Variants in ARMC3 observed in about 807,000 individuals in gnomAD.
ARMC3 encodes the protein armadillo repeat-containing protein 3.
A neutral mutation model predicts 90.3 loss-of-function variants in ARMC3; 74 were observed. The observed-to-expected ratio is 0.82, with a 90% CI of 0.68 to 0.99. The LOEUF (loss-of-function observed/expected upper bound fraction) is 0.99, where lower values mean the gene tolerates loss of function less well. Ranked by LOEUF, ARMC3 falls within the 50% of genes least tolerant of loss-of-function variation. The probability of loss-of-function intolerance (pLI) is 0.00; values close to 1 mark genes in which losing one functional copy is unlikely to be tolerated. For synonymous variants in ARMC3, 334 were observed against 361.8 expected, an observed-to-expected ratio of 0.92 and a Z score of 0.87; for missense variants, 958 against 1,042.8, an observed-to-expected ratio of 0.92 and a Z score of 1.12.
intron 3 of ARMC3, among the ~76,000 whole-genome samples, chr10:22,954,303 A>G (rs926566799): frequency 3.9e-5 from 6 of 152,114 alleles, no homozygotes; most frequent in Admixed American, 3.3e-4. Flanking sequence ...TTTTCTCACA[A>G]TTTGTAGAAT....
rs73600583 is a variant in ARMC3 at position 22,959,809 on chromosome 10, G to C, written c.537+235G>C. 1.7e-3 allele frequency: 1,006 copies of C among 589,722 alleles called. 3 individuals carry two copies. The highest frequency in any genetic ancestry group is 0.011 in the African/African-American group (607 of 54,134). The allele number at this position is 589,722 out of a possible 1,614,324, so 36.5% of individuals were successfully genotyped here. On this transcript the variant is annotated intron_variant, in intron 6 of 18. Transcript: ENST00000298032. ...GAAAAAGTATTTTGGAAATGTATTT[G>C]TTTTTAAAGAATAGAATGGCATTCA...
chr10:23,017,735 C>T (rs989926194), intron 16 of ARMC3, among the ~76,000 whole-genome samples: 1 of 152,250 alleles, frequency 6.6e-6, no homozygotes, highest in Admixed American at 6.5e-5. Context: ...TACTGCATTC[C>T]AGCCTGGGCA....
intron 8 of ARMC3, among the ~76,000 whole-genome samples, chr10:22,973,657 T>C (rs1165712331): frequency 6.6e-6 from 1 of 151,646 alleles, no homozygotes; most frequent in Admixed American, 6.6e-5. Context: ...CTTATTCTTT[T>C]TTTAGCTATA....
intron 8 of ARMC3, among the ~76,000 whole-genome samples, chr10:22,979,506 T>C (rs563934366): frequency 1.3e-5 from 2 of 152,344 alleles, no homozygotes; most frequent in Admixed American, 6.5e-5. Flanking sequence ...GTTTTCTGAA[T>C]GCAACATCTA....
At chr10:22,974,584 G>A (rs1275747703) in intron 8 of ARMC3, among the ~76,000 whole-genome samples, 1 of 151,362 alleles carries the variant, frequency 6.6e-6, no homozygotes, top group Non-Finnish European at 1.5e-5. Flanking sequence ...CCTTTCTGAT[G>A]TTTCTAAGAT....
Position 23,008,127 on chromosome 10 carries a change from A to C in ARMC3, c.1830-149A>C, listed in dbSNP as rs1837717676. On this transcript the variant is annotated intron_variant, in intron 14 of 18. Transcript: ENST00000298032. ...TCAAAAAACAAACAAAGAAAAAATG[A>C]CTTCTCCTTTATACTTTAAAAACAG... The C allele has an allele frequency of 9.0e-6, 4 of 444,768 alleles. No individual in the cohort carries two copies. In the East Asian group the frequency reaches 1.6e-4, roughly 18 times the overall value. 27.6% of individuals were successfully genotyped at this position (444,768 alleles called of 1,614,324 possible).
Position 23,037,559 on chromosome 10 carries a change from A to T in ARMC3, c.*80A>T. 8.5e-7 allele frequency: 1 copy of T among 1,179,280 alleles called. No individual in the cohort carries two copies. Among genetic ancestry groups the T allele is most frequent in the Non-Finnish European group, 1.1e-6 (1 of 873,706 alleles). The allele number at this position is 1,179,280 out of a possible 1,614,324, so 73.1% of individuals were successfully genotyped here. ...CTAAGACATTCTCCAAATTGATTTT[A>T]TCTCTTTAAATAAAAACTTTAAATA... On this transcript the variant is annotated 3_prime_UTR_variant, in exon 19 of 19. Coordinates refer to ENST00000298032, the MANE Select transcript of ARMC3 (RefSeq NM_173081.5).
chr10:22,951,611 A>C (rs1023039472), intron 3 of ARMC3, among the ~76,000 whole-genome samples: 16 of 152,358 alleles, frequency 1.1e-4, no homozygotes, highest in African/African-American at 3.8e-4. Flanking sequence ...TCAATAACGC[A>C]GAAAACTCTG....
intron 13 of ARMC3, among the ~76,000 whole-genome samples, chr10:23,005,881 A>T (rs1479427011): frequency 6.6e-6 from 1 of 152,018 alleles, no homozygotes; most frequent in African/African-American, 2.4e-5. Flanking sequence ...GGGGAAAAAA[A>T]AAAGAAATGA....
chr10:22,977,236 T>C (rs1835967796), intron 8 of ARMC3, among the ~76,000 whole-genome samples: 1 of 152,206 alleles, frequency 6.6e-6, no homozygotes, highest in South Asian at 2.1e-4. Context: ...TGGTTTCTCT[T>C]TCTGTCCTTA....
intron 2 of ARMC3, among the ~76,000 whole-genome samples, chr10:22,938,611 T>A (rs552187445): frequency 1.3e-5 from 2 of 152,026 alleles, no homozygotes; most frequent in African/African-American, 4.8e-5. Context: ...GCTCTGAAGG[T>A]CGAGCTGGCA....
intron 16 of ARMC3, among the ~76,000 whole-genome samples, chr10:23,026,757 T>C (rs34231094): frequency 0.013 from 1,988 of 152,318 alleles, 16 homozygotes; most frequent in Non-Finnish European, 0.022. Flanking sequence ...TTTAGTTTTA[T>C]ACAATTTTAT....
At chr10:22,997,839 G>T (rs1372405224) in intron 10 of ARMC3, among the ~76,000 whole-genome samples, 4 of 151,944 alleles carry the variant, frequency 2.6e-5, no homozygotes, top group Non-Finnish European at 5.9e-5. Flanking sequence ...AATAATAATG[G>T]TTGTACCTTT....
intron 2 of ARMC3, among the ~76,000 whole-genome samples, chr10:22,945,912 C>T (rs925072466): frequency 2.6e-5 from 4 of 152,186 alleles, no homozygotes; most frequent in African/African-American, 9.7e-5. Flanking sequence ...CTAGACCTGT[C>T]AGATTCCAAA....
chr10:23,016,695 T>C (rs925373282), intron 16 of ARMC3, among the ~76,000 whole-genome samples: 1 of 152,248 alleles, frequency 6.6e-6, no homozygotes, highest in African/African-American at 2.4e-5. Flanking sequence ...GAAATGCTTC[T>C]ATTTATAGCA....
intron 1 of ARMC3, among the ~76,000 whole-genome samples, chr10:22,930,659 C>A (rs1356195770): frequency 1.3e-5 from 2 of 152,116 alleles, no homozygotes; most frequent in South Asian, 4.1e-4. Flanking sequence ...AAATTCTGGT[C>A]AGTGTCTCTA....
chr10:23,014,200 G>C, intron 16 of ARMC3: 1 of 1,545,302 alleles, frequency 6.5e-7, no homozygotes. Context: ...ACACAACTGG[G>C]CCTTGGTCTT....
intron 16 of ARMC3, among the ~76,000 whole-genome samples, chr10:23,020,538 C>G (rs1300790212): frequency 1.3e-5 from 2 of 152,192 alleles, no homozygotes. Flanking sequence ...TCCAGAATAG[C>G]AATAGCATTT....
At chr10:22,939,024 T>C (rs1301286150) in intron 2 of ARMC3, among the ~76,000 whole-genome samples, 1 of 152,142 alleles carries the variant, frequency 6.6e-6, no homozygotes, top group African/African-American at 2.4e-5. Context: ...GTGAGAACTA[T>C]TTTGGTAAGT....
Sources: gnomAD v4.1 joint callset for allele counts (sites outside exome capture counted in the v4.1 genomes callset) on GRCh38, gnomAD v4.1.1 for gene constraint, MANE v1.5 for transcripts, NCBI Gene and HGNC (gene_info 2026-07-23, HGNC 2026-07-21) for gene names.